FBXL22: variants seen among roughly 807,000 people sequenced by gnomAD.
FBXL22 encodes the protein F-box and leucine rich repeat protein 22, also known as F-box and leucine-rich protein 22.
FBXL22 carries 13 observed loss-of-function variants against 11.7 expected under a neutral mutation model. That is an observed-to-expected ratio of 1.11 (90% CI 0.73 to 1.77). The LOEUF is 1.77. Among genes scored for constraint, FBXL22 ranks in the 40% most tolerant of loss-of-function variants. The probability of loss-of-function intolerance (pLI) is 0.00; values close to 1 mark genes in which losing one functional copy is unlikely to be tolerated. For synonymous variants in FBXL22, 160 were observed against 144.1 expected (o/e 1.11, Z -0.79); for missense variants, 406 against 320.4 (o/e 1.27, Z -2.04).
downstream of FBXL22, among the ~76,000 whole-genome samples, chr15:63,606,865 C>T (rs1157918825): frequency 6.6e-6 from 1 of 152,132 alleles, no homozygotes; most frequent in African/African-American, 2.4e-5. Flanking sequence ...TCTGGGGGTC[C>T]TCCTGCCCCC....
At chr15:63,607,220 T>A (rs1312526717), downstream of FBXL22, among the ~76,000 whole-genome samples, 2 of 152,196 alleles carry the variant, frequency 1.3e-5, no homozygotes, top group Non-Finnish European at 2.9e-5. Context: ...TAATTTTTTT[T>A]ATTTTTAGTA....
intron 1 of FBXL22, chr15:63,599,458 T>G (rs2067328713): frequency 7.9e-7 from 1 of 1,271,704 alleles, no homozygotes; most frequent in Non-Finnish European, 9.9e-7. Context: ...ACATCTGTCC[T>G]GGGTCTGACA....
chr15:63,598,830 A>G (rs1035529041), intron 1 of FBXL22, among the ~76,000 whole-genome samples: 2 of 152,220 alleles, frequency 1.3e-5, no homozygotes, highest in Non-Finnish European at 2.9e-5. Context: ...TGGGCTTAAC[A>G]AGGCCCAGGA....
Position 63,599,050 on chromosome 15 carries a change from G to A in FBXL22, c.353+1305G>A, listed in dbSNP as rs2067320790. ...GGCTTTGCTGTCAGCACTCTGCTGA[G>A]CCGCTCAGCTCGTCCAACCATGTGA... On this transcript the variant is annotated intron_variant, in intron 1 of 1. Transcript: ENST00000638704. 5.4e-6 allele frequency: 4 copies of A among 734,006 alleles called. No homozygotes were observed. The Admixed American group carries it at 8.7e-5, about 16-fold the overall frequency. The allele number at this position is 734,006 out of a possible 1,614,324, so 45.5% of individuals were successfully genotyped here.
intron 1 of FBXL22, among the ~76,000 whole-genome samples, chr15:63,598,733 T>A (rs979438101): frequency 1.3e-5 from 2 of 152,180 alleles, no homozygotes; most frequent in Non-Finnish European, 2.9e-5. Context: ...GGAAACAGCG[T>A]AGTGACCCCA....
At chr15:63,605,261 G>A (rs1343970295), downstream of FBXL22, among the ~76,000 whole-genome samples, 1 of 152,180 alleles carries the variant, frequency 6.6e-6, no homozygotes, top group African/African-American at 2.4e-5. Context: ...TTGAGGGGGT[G>A]TTCTTGAGTG....
At chr15:63,602,886 T>A (rs1412289519), downstream of FBXL22, among the ~76,000 whole-genome samples, 12 of 152,142 alleles carry the variant, frequency 7.9e-5, no homozygotes, top group Non-Finnish European at 1.3e-4. Context: ...GTAGCAGGTA[T>A]CTGAGAAGCA....
intron 1 of FBXL22, chr15:63,599,789 C>T: frequency 1.0e-6 from 1 of 986,298 alleles, no homozygotes; most frequent in Non-Finnish European, 1.2e-6. Context: ...TTAGTCGGTC[C>T]TTCTGGACTG....
chr15:63,600,970 C>T lies in FBXL22; in HGVS notation c.627C>T (p.Ala209=). 8.4e-7 allele frequency: 1 copy of T among 1,193,298 alleles called. No homozygotes were observed. Among genetic ancestry groups the T allele is most frequent in the South Asian group, 4.2e-5 (1 of 24,076 alleles). The allele number at this position is 1,193,298 out of a possible 1,614,324, so 73.9% of individuals were successfully genotyped here. The change falls in exon 2 of 2, where the codon GCC becomes GCT. Residue 209 remains alanine, a synonymous_variant. Transcript: ENST00000638704. ...RLALRAEHSA[A]MLPDQPPRPR... is the part of the protein sequence containing the mutation. ...CCCTGCGGGCAGAGCACAGCGCCGC[C>T]ATGCTGCCCGACCAGCCCCCGCGCC...
downstream of FBXL22, chr15:63,602,051 C>A (rs536913054): frequency 6.0e-5 from 14 of 231,756 alleles, no homozygotes; most frequent in Admixed American, 6.9e-4. Flanking sequence ...GTGGAAGAGG[C>A]GAGGAGCACT....
At chr15:63,607,212 AT>A (rs994263886), downstream of FBXL22, among the ~76,000 whole-genome samples, 1 of 151,880 alleles carries the variant, frequency 6.6e-6, no homozygotes, top group Non-Finnish European at 1.5e-5. Flanking sequence ...TGCCCAGCTA[AT>A]TTTTTTTATT....
downstream of FBXL22, among the ~76,000 whole-genome samples, chr15:63,602,844 G>C (rs1049342480): frequency 6.6e-6 from 1 of 152,170 alleles, no homozygotes; most frequent in Non-Finnish European, 1.5e-5. Flanking sequence ...GATCAGAGTG[G>C]CTGGAGCAGA....
chr15:63,600,967 C>T lies in FBXL22; in HGVS notation c.624C>T (p.Ala208=). ...TGGCCCTGCGGGCAGAGCACAGCGC[C>T]GCCATGCTGCCCGACCAGCCCCCGC... ...PRLALRAEHS[A]AMLPDQPPRP... is the part of the protein sequence containing the mutation. Residue 208 remains alanine, a synonymous_variant, in exon 2 of 2, where the codon GCC becomes GCT. Transcript: ENST00000638704. 1.7e-6 allele frequency: 2 copies of T among 1,193,238 alleles called. No homozygotes were observed. Among genetic ancestry groups the T allele is most frequent in the Non-Finnish European group, 1.0e-6 (1 of 963,286 alleles). 73.9% of individuals were successfully genotyped at this position (1,193,238 alleles called of 1,614,324 possible). A position where few individuals can be genotyped will look rare whatever the true frequency, so the allele number is the denominator to read the frequency against.
rs567731106 is a variant in FBXL22, at chr15:63,597,804, G to T, written c.353+59G>T. 4 of 1,475,146 alleles carry T rather than the reference G, an allele frequency of 2.7e-6. No homozygotes were observed. The highest frequency in any genetic ancestry group is 1.4e-5 in the African/African-American group (1 of 71,364). The allele number at this position is 1,475,146 out of a possible 1,614,324, so 91.4% of individuals were successfully genotyped here. A position where few individuals can be genotyped will look rare whatever the true frequency, so the allele number is the denominator to read the frequency against. ...CCGCTAGCTCTGGCTTCCCTCTTGG[G>T]GGGCAGGGAAGAGCAAATTACGAGA... On this transcript the variant is annotated intron_variant, in intron 1 of 1. Transcript: ENST00000638704. This position sits in a 1 kb window ranked among gnomAD's most constrained non-coding sequence, Gnocchi z 4.3.
At chr15:63,599,293 T>C in intron 1 of FBXL22, 1 of 1,489,994 alleles carries the variant, frequency 6.7e-7, no homozygotes, top group Non-Finnish European at 8.9e-7. Flanking sequence ...AGTCCGCTCT[T>C]TGTTTTTTCC....
intron 1 of FBXL22, chr15:63,599,329 C>A (rs1187597835): frequency 2.1e-6 from 3 of 1,452,462 alleles, no homozygotes; most frequent in African/African-American, 2.9e-5. Flanking sequence ...TCCAAAGATT[C>A]TTAGAAGAAA....
rs937081016 is a variant in FBXL22, at chr15:63,599,107, C to T, written c.353+1362C>T. On this transcript the variant is annotated intron_variant, in intron 1 of 1. Transcript: ENST00000638704. ...CTCAAATACTTCAAACTCTTGCAAC[C>T]TCATTTCTTCTTCTATAAAATGTGC... 1.1e-5 allele frequency: 13 copies of T among 1,204,192 alleles called. No homozygotes were observed. The Admixed American group carries it at 1.8e-4, about 17-fold the overall frequency. 74.6% of individuals were successfully genotyped at this position (1,204,192 alleles called of 1,614,324 possible). A position where few individuals can be genotyped will look rare whatever the true frequency, so the allele number is the denominator to read the frequency against.
chr15:63,600,723 T>G lies in FBXL22; in HGVS notation c.380T>G (p.Leu127Arg). ...DRCPNLASVT[L>R]SGCGHVTDDC... The stretch of plus-strand genomic sequence containing the variant: ...TGCCCCAACCTGGCGTCCGTCACGC[T>G]CTCGGGCTGCGGCCACGTTACCGAC... The change falls in exon 2 of 2, where the codon CTC (leucine) becomes CGC (arginine). Residue 127 changes from leucine to arginine, a missense_variant. Transcript: ENST00000638704. The G allele has an allele frequency of 8.1e-7, 1 of 1,231,478 alleles. No individual in the cohort carries two copies. The highest frequency in any genetic ancestry group is 1.0e-6 in the Non-Finnish European group (1 of 987,784). The allele number at this position is 1,231,478 out of a possible 1,614,324, so 76.3% of individuals were successfully genotyped here.
At chr15:63,601,633 C>G, downstream of FBXL22, 1 of 1,604,704 alleles carries the variant, frequency 6.2e-7, no homozygotes, top group Non-Finnish European at 8.5e-7. Context: ...CGGTTTTGCC[C>G]GCACGCGCGT....
Sources: allele counts gnomAD v4.1 joint callset (sites outside exome capture counted in the v4.1 genomes callset), GRCh38; gene constraint gnomAD v4.1.1; non-coding constraint Gnocchi (gnomAD v3.1); transcripts MANE v1.5; gene names NCBI Gene and HGNC (gene_info 2026-07-23, HGNC 2026-07-21).